The following FRS2 variants were observed in gnomAD, a reference collection of about 807,000 sequenced individuals.
FRS2 encodes FGFR signalling adaptor.
FRS2 carries 8 observed loss-of-function variants against 43.9 expected under a neutral mutation model. The ratio of observed to expected loss-of-function variants is 0.18; its 90% CI spans 0.11 to 0.33. The LOEUF (loss-of-function observed/expected upper bound fraction) is 0.33. Among genes scored for constraint, FRS2 ranks in the 10% least tolerant of loss-of-function variants. FRS2 has a pLI of 1.00. For missense variants in FRS2, 534 were observed against 627.6 expected (o/e 0.85, Z 1.59); for synonymous variants, 219 against 220.3 (o/e 0.99, Z 0.05).
At chr12:69,494,924 C>T (rs1208049335) in intron 1 of FRS2, among the ~76,000 whole-genome samples, 1 of 152,118 alleles carries the variant, frequency 6.6e-6, no homozygotes, top group Non-Finnish European at 1.5e-5. Context: ...TAGACGCCCA[C>T]CATCACGCCC....
chr12:69,541,934 A>G (rs1233541137), intron 3 of FRS2, among the ~76,000 whole-genome samples: 1 of 151,978 alleles, frequency 6.6e-6, no homozygotes, highest in East Asian at 1.9e-4. Flanking sequence ...TCTTTGATGT[A>G]ATTCTAACAA....
intron 5 of FRS2, 47 bp from the exon 6 acceptor site, chr12:69,570,284 T>A: frequency 7.3e-7 from 1 of 1,373,828 alleles, no homozygotes; most frequent in Non-Finnish European, 1.0e-6. Flanking sequence ...TGCATTTTCC[T>A]GACGAATTGG....
At chr12:69,573,698 A>G (rs1449886794) in intron 8 of FRS2, among the ~76,000 whole-genome samples, 1 of 152,148 alleles carries the variant, frequency 6.6e-6, no homozygotes, top group African/African-American at 2.4e-5. Flanking sequence ...CCTACCCTCA[A>G]GTGATCCACC....
chr12:69,553,301 C>T (rs1450061617), intron 3 of FRS2, among the ~76,000 whole-genome samples: 1 of 151,892 alleles, frequency 6.6e-6, no homozygotes. Flanking sequence ...TCGAACTGCT[C>T]ACCTCATGAT....
In FRS2 at chr12:69,538,666, C is replaced by G. The variant is rs147721672; in HGVS notation, c.-122+6610C>G. The stretch of plus-strand genomic sequence containing the variant: ...AATTAAGATGGATTCTATTGGACTT[C>G]CTCTTTTATTCCTCACATTATACAT... On this transcript the variant is annotated intron_variant, in intron 3 of 8. Transcript: ENST00000549921. Among the ~76,000 whole-genome samples, 3 of 152,172 alleles carry G rather than the reference C, an allele frequency of 2.0e-5. No individual in the cohort carries two copies. In the East Asian group the frequency reaches 5.8e-4, roughly 29 times the overall value.
chr12:69,537,213 C>T (rs1027722407), intron 3 of FRS2, among the ~76,000 whole-genome samples: 1 of 152,138 alleles, frequency 6.6e-6, no homozygotes, highest in Non-Finnish European at 1.5e-5. Context: ...TTCTTATGCA[C>T]ACATACAGAA....
chr12:69,538,199 A>ATATATATATATATATATATATG (rs1565757310), intron 3 of FRS2, among the ~76,000 whole-genome samples: 3 of 51,340 alleles, frequency 5.8e-5, no homozygotes, highest in South Asian at 6.6e-4. Flanking sequence ...AACAAATTTT[A>ATATATATATATATATATATATG]TATATATATA....
At chr12:69,501,970 T>TG (rs1336869925) in intron 1 of FRS2, among the ~76,000 whole-genome samples, 5 of 146,062 alleles carry the variant, frequency 3.4e-5, no homozygotes, top group African/African-American at 1.3e-4. Flanking sequence ...GTTTTGTTTT[T>TG]TTTGTTTTTT....
At chr12:69,484,892 G>A (rs1332711766) in intron 1 of FRS2, among the ~76,000 whole-genome samples, 1 of 152,048 alleles carries the variant, frequency 6.6e-6, no homozygotes, top group Non-Finnish European at 1.5e-5. Context: ...TTTTCTGTGT[G>A]TTTTGGGAGA....
Position 69,549,097 on chromosome 12 carries a change from T to C in FRS2, c.-121-13083T>C, listed in dbSNP as rs1018468617. Among the ~76,000 whole-genome samples the C allele has an allele frequency of 4.6e-5, 7 of 152,170 alleles. 1 individual carries two copies. The highest frequency in any genetic ancestry group is 3.9e-4 in the Admixed American group (6 of 15,268). ...TAGAGAAATGAAGAACATAATTATT[T>C]AGTGGTAGAAAGTTATAAAAACTCA... On this transcript the variant is annotated intron_variant, in intron 3 of 8. Coordinates refer to ENST00000549921, the MANE Select transcript of FRS2 (RefSeq NM_001278356.2).
At chr12:69,538,877 T>C (rs1214809602) in intron 3 of FRS2, among the ~76,000 whole-genome samples, 1 of 152,228 alleles carries the variant, frequency 6.6e-6, no homozygotes, top group African/African-American at 2.4e-5. Context: ...CATGAGTTTA[T>C]TTCTATATTT....
chr12:69,531,558 G>C (rs1264058253), intron 2 of FRS2, among the ~76,000 whole-genome samples: 1 of 151,926 alleles, frequency 6.6e-6, no homozygotes, highest in African/African-American at 2.4e-5. Flanking sequence ...TATTGGAGTG[G>C]TGAAAATATT....
intron 7 of FRS2, 49 bp downstream of exon 7, chr12:69,571,483 G>C: frequency 1.0e-5 from 14 of 1,390,900 alleles, no homozygotes; most frequent in African/African-American, 4.3e-5. Flanking sequence ...ACGTTTAGTT[G>C]TAAGCTATAG....
intron 1 of FRS2, among the ~76,000 whole-genome samples, chr12:69,503,047 A>G (rs1221800085): frequency 6.6e-6 from 1 of 152,226 alleles, no homozygotes; most frequent in East Asian, 1.9e-4. Context: ...CACAAGGTTG[A>G]AATCGAGGTG....
chr12:69,568,123 C>T (rs377441628), intron 4 of FRS2, among the ~76,000 whole-genome samples: 4 of 152,250 alleles, frequency 2.6e-5, no homozygotes, highest in African/African-American at 9.6e-5. Context: ...TTCTTAAACA[C>T]TCAATGTCAG....
At chr12:69,484,095 C>CTTTTTTTTTTTTTT (rs368221087) in intron 1 of FRS2, among the ~76,000 whole-genome samples, 7 of 149,262 alleles carry the variant, frequency 4.7e-5, no homozygotes, top group Non-Finnish European at 7.5e-5. Flanking sequence ...GCTTTTCTTT[C>CTTTTTTTTTTTTTT]TTTTTTTTTG....
At position 69,519,077 on chromosome 12, in the gene FRS2, G is replaced by C. The variant is rs576765269; in HGVS notation, c.-260-11788G>C. Among the ~76,000 whole-genome samples, 3 of 152,002 alleles carry C rather than the reference G, an allele frequency of 2.0e-5. No individual in the cohort carries two copies. The South Asian group carries it at 6.2e-4, about 32-fold the overall frequency. On this transcript the variant is annotated intron_variant, in intron 1 of 8. Transcript: ENST00000549921. ...TTATGGATTATTGCGTAGAAAATAA[G>C]GGGGCCAAGGTGTGTTTTATACAAA...
At chr12:69,473,021 G>A (rs1405812421) in intron 1 of FRS2, among the ~76,000 whole-genome samples, 1 of 152,178 alleles carries the variant, frequency 6.6e-6, no homozygotes, top group African/African-American at 2.4e-5. Context: ...GTGGTTTGAG[G>A]TAAAGTTTGG....
chr12:69,557,619 T>TGCGCGCGCGCGCGCGCGCGC (rs529133007), intron 3 of FRS2, among the ~76,000 whole-genome samples: 1 of 118,966 alleles, frequency 8.4e-6, no homozygotes, highest in Non-Finnish European at 1.9e-5. Context: ...TGTGTGTGTG[T>TGCGCGCGCGCGCGCGCGCGC]GCGCGCGCGC....
Sources: gnomAD v4.1 joint callset for allele counts (sites outside exome capture counted in the v4.1 genomes callset) on GRCh38, gnomAD v4.1.1 for gene constraint, MANE v1.5 for transcripts, NCBI Gene and HGNC (gene_info 2026-07-23, HGNC 2026-07-21) for gene names.